TMEM117: variants seen among roughly 807,000 people sequenced by gnomAD.
TMEM117 encodes the protein transmembrane protein 117.
A neutral mutation model predicts 52.4 loss-of-function variants in TMEM117; 27 were observed. That is an observed-to-expected ratio of 0.51 (90% CI 0.38 to 0.71). The LOEUF is 0.71. Among genes scored for constraint, TMEM117 ranks in the 30% least tolerant of loss-of-function variants. The pLI is 0.00. For missense variants in TMEM117, 556 were observed against 630.5 expected, an observed-to-expected ratio of 0.88 and a Z score of 1.26; for synonymous variants, 215 against 206.3, an observed-to-expected ratio of 1.04 and a Z score of -0.36.
chr12:43,805,971 A>G, the TMEM117 span: 1 of 1,545,112 alleles, frequency 6.5e-7, no homozygotes. Flanking sequence ...TCGAAAGCCA[A>G]TTTCCTTCGC....
downstream of TMEM117, among the ~76,000 whole-genome samples, chr12:44,391,563 G>C (rs566775376): frequency 3.3e-5 from 5 of 152,264 alleles, no homozygotes; most frequent in South Asian, 1.0e-3. Flanking sequence ...CAGGCATTCA[G>C]ATTTGAAGGA....
chr12:43,946,654 G>C (rs1031692761), intron 3 of TMEM117, among the ~76,000 whole-genome samples: 2 of 152,122 alleles, frequency 1.3e-5, no homozygotes, highest in Admixed American at 1.3e-4. Context: ...AGAAACTGAG[G>C]ACTAGAGACA....
At chr12:44,038,761 C>T (rs570051608) in intron 3 of TMEM117, among the ~76,000 whole-genome samples, 23 of 152,250 alleles carry the variant, frequency 1.5e-4, no homozygotes, top group Admixed American at 4.6e-4. Context: ...CTACTGAATC[C>T]TTTTTTTCTT....
chr12:44,137,740 A>G (rs940578919), intron 3 of TMEM117, among the ~76,000 whole-genome samples: 5 of 152,262 alleles, frequency 3.3e-5, no homozygotes, highest in Admixed American at 6.5e-5. Flanking sequence ...CCATTGCGAG[A>G]AGAGCACAAG....
chr12:44,215,454 C>T (rs1214059483), intron 5 of TMEM117, among the ~76,000 whole-genome samples: 5 of 150,792 alleles, frequency 3.3e-5, no homozygotes, highest in Non-Finnish European at 7.4e-5. Flanking sequence ...TTCCAAAGCC[C>T]TTTCCGTAGT....
At chr12:44,208,748 TGCTTCATCTAACCA>T (rs1949606886) in intron 4 of TMEM117, among the ~76,000 whole-genome samples, 1 of 89,524 alleles carries the variant, frequency 1.1e-5, no homozygotes, top group Non-Finnish European at 2.6e-5. Context: ...TTTTTTTTTT[TGCTTCATCTAACCA>T]TTTTCCTGAG....
At chr12:43,833,549 T>C (rs1942994487), upstream of TMEM117, among the ~76,000 whole-genome samples, 1 of 151,988 alleles carries the variant, frequency 6.6e-6, no homozygotes. Context: ...ATCCCAGCAC[T>C]TTGGGAGGCC....
intron 3 of TMEM117, among the ~76,000 whole-genome samples, chr12:44,081,296 C>T (rs1349125419): frequency 6.6e-6 from 1 of 152,108 alleles, no homozygotes; most frequent in Non-Finnish European, 1.5e-5. Flanking sequence ...CTGAAGTAAT[C>T]AGTTGCCATA....
At chr12:44,164,332 A>G (rs1223333695) in intron 4 of TMEM117, among the ~76,000 whole-genome samples, 1 of 152,026 alleles carries the variant, frequency 6.6e-6, no homozygotes, top group Non-Finnish European at 1.5e-5. Flanking sequence ...ACTGTACCCA[A>G]TATGTAGTCT....
chr12:44,101,285 G>A (rs1459050536), intron 3 of TMEM117, among the ~76,000 whole-genome samples: 1 of 151,740 alleles, frequency 6.6e-6, no homozygotes, highest in Non-Finnish European at 1.5e-5. Flanking sequence ...TCTTAGGTTG[G>A]TGATGGTGCC....
At chr12:43,864,292 C>A (rs774296881) in intron 2 of TMEM117, among the ~76,000 whole-genome samples, 1 of 152,230 alleles carries the variant, frequency 6.6e-6, no homozygotes, top group Non-Finnish European at 1.5e-5. Context: ...AGGCACACTG[C>A]GCAGGGACTG....
chr12:44,219,307 T>A (rs1396519954), intron 5 of TMEM117, among the ~76,000 whole-genome samples: 1 of 152,192 alleles, frequency 6.6e-6, no homozygotes, highest in East Asian at 1.9e-4. Context: ...TTCTTTGTTG[T>A]TGTTGTTTGT....
At chr12:43,830,300 G>T in the TMEM117 span, among the ~76,000 whole-genome samples, 1 of 151,804 alleles carries the variant, frequency 6.6e-6, no homozygotes, top group Non-Finnish European at 1.5e-5. Flanking sequence ...CTGTTTGCAT[G>T]ACTCCTTTGC....
the TMEM117 span, among the ~76,000 whole-genome samples, chr12:44,397,121 G>A: frequency 2.6e-5 from 4 of 152,156 alleles, no homozygotes; most frequent in African/African-American, 9.7e-5. Context: ...CCCACGGTAG[G>A]GAGTGAGAGC....
At chr12:44,300,902 T>C (rs1380495024) in intron 6 of TMEM117, among the ~76,000 whole-genome samples, 1 of 152,246 alleles carries the variant, frequency 6.6e-6, no homozygotes, top group Non-Finnish European at 1.5e-5. Flanking sequence ...CACTAAGCTG[T>C]AGGACGTCCC....
intron 3 of TMEM117, among the ~76,000 whole-genome samples, chr12:43,978,311 A>G (rs1945705603): frequency 1.3e-5 from 2 of 152,218 alleles, no homozygotes; most frequent in Admixed American, 1.3e-4. Flanking sequence ...AAAAGTGCAC[A>G]CAGGGTGGGC....
At chr12:44,228,193 C>A (rs923785175) in intron 5 of TMEM117, among the ~76,000 whole-genome samples, 1 of 151,844 alleles carries the variant, frequency 6.6e-6, no homozygotes, top group African/African-American at 2.4e-5. Context: ...ATTGTTCTGG[C>A]TGCTGAGGGA....
chr12:44,344,107 G>A (rs2138759395), intron 6 of TMEM117, among the ~76,000 whole-genome samples: 1 of 152,258 alleles, frequency 6.6e-6, no homozygotes, highest in South Asian at 2.1e-4. Context: ...AGGGAGAGCA[G>A]GCTTGCATTT....
chr12:44,386,466 T>C (rs752516766), intron 7 of TMEM117, among the ~76,000 whole-genome samples: 14 of 152,156 alleles, frequency 9.2e-5, no homozygotes, highest in Non-Finnish European at 2.1e-4. Flanking sequence ...ATAAACTCTA[T>C]ATAGCTGAAC....
Sources: allele counts gnomAD v4.1 joint callset (sites outside exome capture counted in the v4.1 genomes callset), GRCh38; gene constraint gnomAD v4.1.1; transcripts MANE v1.5; gene names NCBI Gene and HGNC (gene_info 2026-07-23, HGNC 2026-07-21).